The following FGGY variants were observed in gnomAD, a reference collection of about 807,000 sequenced individuals.
FGGY encodes the protein FGGY carbohydrate kinase domain-containing protein.
A neutral mutation model predicts 71.3 loss-of-function variants in FGGY; 72 were observed. The ratio of observed to expected loss-of-function variants is 1.01; its 90% CI spans 0.84 to 1.23. FGGY has a LOEUF of 1.23. FGGY is among the 50% of genes most tolerant of loss of function. The pLI is 0.00. For synonymous variants in FGGY, 251 were observed against 250.3 expected, an observed-to-expected ratio of 1.00 and a Z score of -0.02; for missense variants, 668 against 682.3, an observed-to-expected ratio of 0.98 and a Z score of 0.23.
intron 1 of FGGY, chr1:59,315,651 T>TC (rs1557516466): frequency 6.6e-6 from 1 of 151,518 alleles, no homozygotes; most frequent in Non-Finnish European, 1.5e-5. Flanking sequence ...CCCTGCTTAC[T>TC]CCCTTCCTTC....
intron 12 of FGGY, among the ~76,000 whole-genome samples, chr1:59,662,776 G>A (rs550065753): frequency 6.6e-6 from 1 of 152,288 alleles, no homozygotes; most frequent in South Asian, 2.1e-4. Flanking sequence ...TAGGTATGTA[G>A]TAGGCTATAC....
intron 7 of FGGY, among the ~76,000 whole-genome samples, chr1:59,520,770 G>A (rs900840855): frequency 3.9e-5 from 6 of 152,154 alleles, no homozygotes; most frequent in African/African-American, 1.4e-4. Flanking sequence ...CCCTGCTGAG[G>A]ATGCCTGGAA....
intron 7 of FGGY, among the ~76,000 whole-genome samples, chr1:59,517,159 T>C (rs6664575): frequency 0.027 from 4,097 of 152,056 alleles, 186 homozygotes; most frequent in African/African-American, 0.09. Context: ...AACATTAACT[T>C]TTTTCCAGGT....
At chr1:59,305,306 T>G (rs1397137389) in intron 1 of FGGY, among the ~76,000 whole-genome samples, 1 of 152,206 alleles carries the variant, frequency 6.6e-6, no homozygotes, top group Non-Finnish European at 1.5e-5. Context: ...CAGAATCTAT[T>G]GAGATGATAG....
chr1:59,490,052 A>T (rs1157265134), intron 6 of FGGY, among the ~76,000 whole-genome samples: 2 of 151,848 alleles, frequency 1.3e-5, no homozygotes, highest in African/African-American at 4.8e-5. Context: ...TGCCTTTTTT[A>T]AAAAATTTAT....
intron 9 of FGGY, among the ~76,000 whole-genome samples, chr1:59,622,333 T>G (rs1051330621): frequency 1.3e-5 from 2 of 152,130 alleles, no homozygotes; most frequent in African/African-American, 4.8e-5. Context: ...AAGTATGGAT[T>G]ACATTTTCCT....
chr1:59,461,319 C>T (rs1016249310), intron 6 of FGGY, among the ~76,000 whole-genome samples: 4 of 152,082 alleles, frequency 2.6e-5, no homozygotes, highest in Non-Finnish European at 5.9e-5. Context: ...GAAAGGGTAT[C>T]AGTGATTGAA....
rs1491402872 is a variant in FGGY at position 59,546,510 on chromosome 1, TGA to T, written c.800-7613_800-7612del. Among the ~76,000 whole-genome samples, 84 of 146,402 alleles carry T rather than the reference TGA, an allele frequency of 5.7e-4. No individual in the cohort carries two copies. The South Asian group carries it at 0.012, about 22-fold the overall frequency. The stretch of plus-strand genomic sequence containing the variant: ...AAGCATAGGATGATGATGATGATGA[TGA>T]TGATGATGATGATGATGATGATGAT... On this transcript the variant is annotated intron_variant, in intron 7 of 15. Coordinates refer to ENST00000303721, the MANE Select transcript of FGGY (RefSeq NM_018291.5).
intron 5 of FGGY, among the ~76,000 whole-genome samples, chr1:59,443,446 C>T (rs74084816): frequency 0.015 from 2,246 of 152,164 alleles, 59 homozygotes; most frequent in African/African-American, 0.052. Context: ...TTCCTTGCTC[C>T]CCACCCCCCA....
At chr1:59,739,136 A>G (rs1305355518) in intron 14 of FGGY, among the ~76,000 whole-genome samples, 3 of 152,222 alleles carry the variant, frequency 2.0e-5, no homozygotes, top group Admixed American at 6.5e-5. Context: ...CTTAGCTTGT[A>G]CATTTGCCAT....
chr1:59,597,297 G>A (rs1193250302), intron 8 of FGGY, among the ~76,000 whole-genome samples: 1 of 152,118 alleles, frequency 6.6e-6, no homozygotes, highest in Non-Finnish European at 1.5e-5. Context: ...AAGATGCTTG[G>A]ATATAAATCA....
At chr1:59,739,270 C>G (rs1436027950) in intron 14 of FGGY, among the ~76,000 whole-genome samples, 1 of 152,172 alleles carries the variant, frequency 6.6e-6, no homozygotes. Flanking sequence ...CTTGTTCTGT[C>G]CTTGCCTCTA....
chr1:59,420,559 T>G (rs542129945), intron 5 of FGGY, among the ~76,000 whole-genome samples: 1 of 152,286 alleles, frequency 6.6e-6, no homozygotes, highest in Non-Finnish European at 1.5e-5. Flanking sequence ...GTGAGTCCAG[T>G]GTACTTAAAC....
intron 6 of FGGY, among the ~76,000 whole-genome samples, chr1:59,472,191 G>A (rs1264415245): frequency 3.3e-5 from 5 of 152,240 alleles, no homozygotes; most frequent in Admixed American, 6.5e-5. Flanking sequence ...AGTTCCGGGT[G>A]GGTGTGGGCT....
At chr1:59,480,495 A>T (rs1413494207) in intron 6 of FGGY, among the ~76,000 whole-genome samples, 1 of 152,198 alleles carries the variant, frequency 6.6e-6, no homozygotes, top group Non-Finnish European at 1.5e-5. Context: ...CTACATGTCA[A>T]TGGCCAGAAC....
chr1:59,517,465 C>T (rs1342997582), intron 7 of FGGY, among the ~76,000 whole-genome samples: 2 of 151,728 alleles, frequency 1.3e-5, no homozygotes, highest in Non-Finnish European at 2.9e-5. Context: ...CGGGGTTTCA[C>T]CGTTTTAGCC....
chr1:59,610,743 C>G (rs956986729), intron 9 of FGGY, among the ~76,000 whole-genome samples: 2 of 152,224 alleles, frequency 1.3e-5, no homozygotes, highest in Non-Finnish European at 2.9e-5. Context: ...CACAAGGGGT[C>G]CAGGAATTCC....
At chr1:59,306,719 G>C (rs2043491683) in intron 1 of FGGY, among the ~76,000 whole-genome samples, 1 of 152,182 alleles carries the variant, frequency 6.6e-6, no homozygotes, top group Non-Finnish European at 1.5e-5. Context: ...CCCCAGGACA[G>C]ATAGCAGGGA....
intron 10 of FGGY, among the ~76,000 whole-genome samples, chr1:59,634,870 C>T (rs1412018918): frequency 1.3e-5 from 2 of 152,162 alleles, no homozygotes; most frequent in Non-Finnish European, 2.9e-5. Context: ...GGTTTGCCTA[C>T]CTGATCATCC....
Sources: gnomAD v4.1 joint callset for allele counts (sites outside exome capture counted in the v4.1 genomes callset) on GRCh38, gnomAD v4.1.1 for gene constraint, MANE v1.5 for transcripts, NCBI Gene and HGNC (gene_info 2026-07-23, HGNC 2026-07-21) for gene names.